MCU: variants seen among roughly 807,000 people sequenced by gnomAD.
MCU encodes calcium uniporter protein, mitochondrial.
Under a neutral mutation model 45.2 loss-of-function variants are expected in MCU, and 12 were observed. The observed-to-expected ratio is 0.27, with a 90% confidence interval of 0.17 to 0.43. The LOEUF (loss-of-function observed/expected upper bound fraction) is 0.43, where lower values mean the gene tolerates loss of function less well. MCU is among the 20% of genes least tolerant of loss of function. The pLI is 1.00. For missense variants in MCU, 324 were observed against 436.7 expected (o/e 0.74, Z 2.30); for synonymous variants, 160 against 165.1 (o/e 0.97, Z 0.24).
chr10:72,797,692 G>A (rs190439206), intron 1 of MCU, among the ~76,000 whole-genome samples: 22 of 150,496 alleles, frequency 1.5e-4, no homozygotes, highest in Admixed American at 2.7e-4. Context: ...CCACCACCAC[G>A]CCCGGCTAGT....
At chr10:72,797,241 T>A (rs1844263708) in intron 1 of MCU, among the ~76,000 whole-genome samples, 2 of 151,006 alleles carry the variant, frequency 1.3e-5, no homozygotes, top group South Asian at 2.1e-4. Flanking sequence ...ATTTTTTTTT[T>A]AAGACGGGAT....
intron 1 of MCU, among the ~76,000 whole-genome samples, chr10:72,703,062 A>G (rs907940548): frequency 6.6e-6 from 1 of 152,176 alleles, no homozygotes; most frequent in Non-Finnish European, 1.5e-5. Context: ...GGCAGCACCA[A>G]TCTGACATGA....
intron 1 of MCU, among the ~76,000 whole-genome samples, chr10:72,805,127 C>CTTTCTT (rs1270297285): frequency 7.4e-6 from 1 of 134,988 alleles, no homozygotes; most frequent in Admixed American, 7.5e-5. Context: ...TTCTTTCTTT[C>CTTTCTT]TTTCTTTCTT....
At chr10:72,845,917 G>T (rs1040444256) in intron 2 of MCU, among the ~76,000 whole-genome samples, 1 of 152,090 alleles carries the variant, frequency 6.6e-6, no homozygotes, top group Admixed American at 6.6e-5. Flanking sequence ...TTAGAGGTTT[G>T]TATACACCAT....
chr10:72,835,144 T>G (rs1426968672), intron 2 of MCU, among the ~76,000 whole-genome samples: 1 of 152,236 alleles, frequency 6.6e-6, no homozygotes, highest in Non-Finnish European at 1.5e-5. Context: ...TTTCCCTACT[T>G]AGGCATAGGA....
chr10:72,748,204 C>T (rs1425930486), intron 1 of MCU, among the ~76,000 whole-genome samples: 4 of 152,028 alleles, frequency 2.6e-5, no homozygotes, highest in Admixed American at 1.3e-4. Context: ...CCCGCCACCA[C>T]GCCCAGCTAA....
At chr10:72,859,027 C>T in intron 2 of MCU, 150 bp from the exon 3 acceptor site, 1 of 646,330 alleles carries the variant, frequency 1.5e-6, no homozygotes, top group East Asian at 3.0e-5. Context: ...GAATAACCTT[C>T]AACTAAAGCT....
chr10:72,806,644 A>C (rs939258701), intron 1 of MCU, among the ~76,000 whole-genome samples: 27 of 152,198 alleles, frequency 1.8e-4, no homozygotes, highest in African/African-American at 5.8e-4. Flanking sequence ...GAGGGTGGGA[A>C]CAATAAATCA....
intron 1 of MCU, among the ~76,000 whole-genome samples, chr10:72,757,415 C>T (rs542342623): frequency 1.1e-4 from 16 of 152,256 alleles, no homozygotes; most frequent in Non-Finnish European, 1.8e-4. Context: ...CTCCTTCTTC[C>T]TCCTACTTCC....
chr10:72,832,932 C>CTCTGTGTGTGTGTGTGTGTGTGTGTGTG (rs1399130294), intron 1 of MCU, among the ~76,000 whole-genome samples: 1 of 57,124 alleles, frequency 1.8e-5, no homozygotes, highest in Non-Finnish European at 8.1e-5. Context: ...AAACCAATAG[C>CTCTGTGTGTGTGTGTGTGTGTGTGTGTG]TATGTGTGTG....
intron 1 of MCU, among the ~76,000 whole-genome samples, chr10:72,803,397 T>A (rs1233522597): frequency 6.6e-6 from 1 of 151,722 alleles, no homozygotes; most frequent in Non-Finnish European, 1.5e-5. Flanking sequence ...TAGAAACAAT[T>A]GACAAATGCT....
intron 1 of MCU, among the ~76,000 whole-genome samples, chr10:72,752,492 A>G (rs1008735086): frequency 6.6e-6 from 1 of 152,246 alleles, no homozygotes; most frequent in Non-Finnish European, 1.5e-5. Flanking sequence ...AATGACGTTG[A>G]AAACATTCTT....
At chr10:72,714,345 C>CTCTTTTTTTTTTTTTTTTTT (rs1842931787) in intron 1 of MCU, among the ~76,000 whole-genome samples, 1 of 54,768 alleles carries the variant, frequency 1.8e-5, no homozygotes, top group African/African-American at 6.4e-5. Context: ...CCGCCCTGGT[C>CTCTTTTTTTTTTTTTTTTTT]TTTTTTTTTT....
intron 1 of MCU, among the ~76,000 whole-genome samples, chr10:72,815,304 C>G (rs1375804745): frequency 6.6e-6 from 1 of 152,050 alleles, no homozygotes; most frequent in Non-Finnish European, 1.5e-5. Context: ...TGCTGAACTT[C>G]GTTCTTGAGA....
chr10:72,859,266 A>G lies in MCU; in HGVS notation c.310A>G (p.Ile104Val), dbSNP rs371072084. The G allele has an allele frequency of 6.6e-5, 107 of 1,613,640 alleles. No individual in the cohort carries two copies. The highest frequency in any genetic ancestry group is 8.6e-5 in the Non-Finnish European group (102 of 1,179,888). Residue 104 changes from isoleucine to valine, a missense_variant, in exon 3 of 8, where the codon ATC becomes GTC. This residue lies in a region of MCU where 135 missense variants were observed against 207.3 expected (regional missense o/e 0.65). Coordinates refer to ENST00000373053, the MANE Select transcript of MCU (RefSeq NM_138357.3). ...ACGCTGTCAGTTCACACTCAAGCCTATCTCTGACTCTGTTGGTGTATTTTT... is the reference window on the plus strand; with the variant it reads ...ACGCTGTCAGTTCACACTCAAGCCTGTCTCTGACTCTGTTGGTGTATTTTT... The part of the protein sequence containing the change: ...RERCQFTLKP[I>V]SDSVGVFLRQ...
chr10:72,867,727 C>T (rs1004674474), intron 4 of MCU, among the ~76,000 whole-genome samples: 1 of 151,712 alleles, frequency 6.6e-6, no homozygotes, highest in Non-Finnish European at 1.5e-5. Flanking sequence ...TGGTGGTGGG[C>T]GCCTGTAGTC....
intron 1 of MCU, among the ~76,000 whole-genome samples, chr10:72,707,389 G>T (rs1370524021): frequency 6.6e-6 from 1 of 151,640 alleles, no homozygotes; most frequent in Non-Finnish European, 1.5e-5. Context: ...AATAGAGTCG[G>T]GGTTTCACCT....
intron 1 of MCU, among the ~76,000 whole-genome samples, chr10:72,808,847 A>C (rs1265170917): frequency 6.6e-6 from 1 of 152,004 alleles, no homozygotes; most frequent in Non-Finnish European, 1.5e-5. Context: ...GAACTCACTC[A>C]CTCTCTTGAG....
intron 1 of MCU, among the ~76,000 whole-genome samples, chr10:72,712,589 A>G (rs529697652): frequency 6.6e-6 from 1 of 152,306 alleles, no homozygotes; most frequent in East Asian, 1.9e-4. Context: ...TGCGCCTTTT[A>G]TGGTAAAAAG....
Sources: allele counts gnomAD v4.1 joint callset (sites outside exome capture counted in the v4.1 genomes callset), GRCh38; gene constraint gnomAD v4.1.1; regional missense constraint gnomAD v4.1.1; transcripts MANE v1.5; gene names NCBI Gene and HGNC (gene_info 2026-07-23, HGNC 2026-07-21).